The following GET1 variants were observed in gnomAD, a reference collection of about 807,000 sequenced individuals.
GET1 encodes the protein guided entry of tail-anchored proteins factor 1, also known as congenital heart disease 5 protein.
A neutral mutation model predicts 22.6 loss-of-function variants in GET1; 20 were observed. The observed-to-expected ratio is 0.89, with a 90% CI of 0.62 to 1.29. The LOEUF is 1.29. Ranked by LOEUF, GET1 falls within the 50% of genes most tolerant of loss-of-function variation. The pLI, the probability that GET1 is intolerant of heterozygous loss-of-function variation, is 0.00. For synonymous variants in GET1, 92 were observed against 83.8 expected, an observed-to-expected ratio of 1.10 and a Z score of -0.53; for missense variants, 209 against 219.9, an observed-to-expected ratio of 0.95 and a Z score of 0.31.
chr21:39,415,810 C>A (rs1275089065), intron 1 of GET1, among the ~76,000 whole-genome samples: 1 of 152,150 alleles, frequency 6.6e-6, no homozygotes, highest in Non-Finnish European at 1.5e-5. Flanking sequence ...ATGGGGGTAT[C>A]TGTAATGCAG....
chr21:39,393,701 C>T (rs1198692268), intron 4 of GET1, among the ~76,000 whole-genome samples: 1 of 152,072 alleles, frequency 6.6e-6, no homozygotes, highest in East Asian at 1.9e-4. Flanking sequence ...AGGCTGGAGT[C>T]AGTGGTGCGA....
intron 1 of GET1, among the ~76,000 whole-genome samples, chr21:39,388,293 A>G (rs938859179): frequency 6.6e-6 from 1 of 152,186 alleles, no homozygotes; most frequent in Non-Finnish European, 1.5e-5. Context: ...GCTTGAGCCC[A>G]GGAAGTCGAG....
At chr21:39,418,970 A>G (rs902932702) in intron 1 of GET1, among the ~76,000 whole-genome samples, 10 of 152,152 alleles carry the variant, frequency 6.6e-5, no homozygotes, top group African/African-American at 1.9e-4. Flanking sequence ...TGCAATAGCC[A>G]TGCCTATGTT....
chr21:39,409,344 C>G (rs376239843), downstream of GET1, among the ~76,000 whole-genome samples: 86 of 152,180 alleles, frequency 5.7e-4, no homozygotes, highest in African/African-American at 2.0e-3. This position sits in a 1 kb window ranked among gnomAD's most constrained non-coding sequence, Gnocchi z 4.2. Context: ...AACCGGCAGT[C>G]TGTGGTATTT....
At chr21:39,416,657 C>T (rs184767234) in intron 1 of GET1, among the ~76,000 whole-genome samples, 15 of 142,772 alleles carry the variant, frequency 1.1e-4, no homozygotes, top group Admixed American at 1.0e-3. Flanking sequence ...TATCTTACTT[C>T]TGTATTTTTT....
chr21:39,402,622 G>GT (rs2038868444), downstream of GET1, among the ~76,000 whole-genome samples: 1 of 152,146 alleles, frequency 6.6e-6, no homozygotes, highest in South Asian at 2.1e-4. Context: ...TTCTTTTCGT[G>GT]TTTACCAGCT....
Position 39,417,911 on chromosome 21 carries a change from G to A in GET1, c.*23+6974G>A, listed in dbSNP as rs556313021. 8.5e-5 allele frequency among the ~76,000 whole-genome samples: 13 copies of A among 152,162 alleles called. No homozygotes were observed. The East Asian group carries it at 1.5e-3, about 18-fold the overall frequency. ...CTCCCAAGTAGCTGGGACTACAGGTGCCCGCCACCATGCCTGGTTAATTTT... is the reference window on the plus strand; with the variant it reads ...CTCCCAAGTAGCTGGGACTACAGGTACCCGCCACCATGCCTGGTTAATTTT... On this transcript the variant is annotated intron_variant, in intron 1 of 1. Coordinates refer to the GET1 transcript ENST00000478273.
chr21:39,391,401 A>G, intron 2 of GET1: 1 of 279,338 alleles, frequency 3.6e-6, no homozygotes, highest in Non-Finnish European at 6.8e-6. Flanking sequence ...GTCCAGGCCC[A>G]GGACAAGCTG....
At chr21:39,410,936 A>G, downstream of GET1, 1 of 471,108 alleles carries the variant, frequency 2.1e-6, no homozygotes. Context: ...AATAAAACAG[A>G]GGTGAGTATT....
At chr21:39,390,946 C>T in intron 2 of GET1, 83 bp downstream of exon 2, 1 of 1,474,392 alleles carries the variant, frequency 6.8e-7, no homozygotes, top group Non-Finnish European at 9.2e-7. Flanking sequence ...AGAATACATA[C>T]TTTGCTTCTT....
At chr21:39,384,128 G>A (rs1360331878) in intron 1 of GET1, among the ~76,000 whole-genome samples, 2 of 151,658 alleles carry the variant, frequency 1.3e-5, no homozygotes, top group African/African-American at 4.8e-5. Flanking sequence ...TAATAGTGAT[G>A]TTGAGTATCT....
chr21:39,404,917 GCCTC>G (rs2038962356), intron 4 of GET1, among the ~76,000 whole-genome samples: 1 of 148,950 alleles, frequency 6.7e-6, no homozygotes. Flanking sequence ...TGCAGCCTCT[GCCTC>G]CTGGGGTTCC....
downstream of GET1, among the ~76,000 whole-genome samples, chr21:39,399,483 C>T (rs1474629273): frequency 4.6e-5 from 7 of 152,020 alleles, no homozygotes; most frequent in East Asian, 1.9e-4. Flanking sequence ...TTTGCTCTGT[C>T]GCCCAGGCTG....
At chr21:39,428,439 C>T (rs1356611899) in exon 2 of GET1, 44 of 1,611,320 alleles carry the variant, frequency 2.7e-5, no homozygotes, top group Non-Finnish European at 3.6e-5. Context: ...TTTTCTAATG[C>T]CACGCCGAAG....
At chr21:39,420,018 ATT>A (rs1032199976) in intron 1 of GET1, among the ~76,000 whole-genome samples, 1 of 151,346 alleles carries the variant, frequency 6.6e-6, no homozygotes, top group Non-Finnish European at 1.5e-5. Context: ...TTAAACGTTA[ATT>A]TTGAGTTACA....
intron 1 of GET1, among the ~76,000 whole-genome samples, chr21:39,414,903 A>G (rs1454340709): frequency 6.6e-6 from 1 of 151,918 alleles, no homozygotes; most frequent in Non-Finnish European, 1.5e-5. Flanking sequence ...CCTTTCTGGT[A>G]TTCTGGATTA....
chr21:39,397,037 G>A lies in GET1; in HGVS notation c.*98G>A, dbSNP rs145713851. 714 of 1,305,000 alleles carry A rather than the reference G, an allele frequency of 5.5e-4. 2 individuals are homozygous for A. In the African/African-American group the frequency reaches 8.6e-3, roughly 16 times the overall value. The allele number at this position is 1,305,000 out of a possible 1,614,324, so 80.8% of individuals were successfully genotyped here. On this transcript the variant is annotated 3_prime_UTR_variant, in exon 5 of 5. Coordinates refer to ENST00000649170, the MANE Select transcript of GET1 (RefSeq NM_004627.6). Reference sequence around the variant, plus strand: ...GTTTTGTTTTTTAAGAAACAAAAGTGCATAGTTTAGATTTTTTTTTTGTTG... The same window carrying A: ...GTTTTGTTTTTTAAGAAACAAAAGTACATAGTTTAGATTTTTTTTTTGTTG...
intron 1 of GET1, among the ~76,000 whole-genome samples, chr21:39,427,478 C>G (rs931623099): frequency 6.6e-6 from 1 of 151,852 alleles, no homozygotes; most frequent in Non-Finnish European, 1.5e-5. Flanking sequence ...CTGGCTAACA[C>G]GGTGAAACCC....
rs754317405 is a variant in GET1 at position 39,428,275 on chromosome 21, A to G, written c.*67A>G. 3 of 1,609,642 alleles carry G rather than the reference A, an allele frequency of 1.9e-6. No homozygotes were observed. The South Asian group carries it at 3.3e-5, about 18-fold the overall frequency. On this transcript the variant is annotated 3_prime_UTR_variant, in exon 2 of 2. Coordinates refer to the GET1 transcript ENST00000478273. ...TATTAATAGCCTTTTCTGAACAATC[A>G]CAGAGAAAGTCTTCTGAATAATCAT...
Sources: gnomAD v4.1 joint callset for allele counts (sites outside exome capture counted in the v4.1 genomes callset) on GRCh38, gnomAD v4.1.1 for gene constraint, Gnocchi (gnomAD v3.1) non-coding constraint, MANE v1.5 for transcripts, NCBI Gene and HGNC (gene_info 2026-07-23, HGNC 2026-07-21) for gene names.